CHKA: variants seen among roughly 807,000 people sequenced by gnomAD.
CHKA encodes CHETK-alpha.
CHKA carries 34 observed loss-of-function variants against 60.1 expected under a neutral mutation model. The ratio of observed to expected loss-of-function variants is 0.57; its 90% CI spans 0.43 to 0.75. The LOEUF (loss-of-function observed/expected upper bound fraction) is 0.75, where lower values mean the gene tolerates loss of function less well. CHKA is among the 30% of genes least tolerant of loss of function. The pLI is 0.00. For synonymous variants in CHKA, 217 were observed against 223.1 expected (o/e 0.97, Z 0.24); for missense variants, 563 against 561.3 (o/e 1.00, Z -0.03).
rs1257205919 is a variant in CHKA, at chr11:68,120,951, T to TGCGGCGGCGGGGGCTGGGGCA, written c.206_226dup (p.Leu69_Pro75dup). 30 of 1,172,286 alleles carry TGCGGCGGCGGGGGCTGGGGCA rather than the reference T, an allele frequency of 2.6e-5. No homozygotes were observed. Among genetic ancestry groups the TGCGGCGGCGGGGGCTGGGGCA allele is most frequent in the South Asian group, 6.8e-5 (2 of 29,212 alleles). The allele number at this position is 1,172,286 out of a possible 1,614,324, so 72.6% of individuals were successfully genotyped here. ...CTCCGGCTGCTCGTCTGCGGGCGGCTGCGGCGGCGGGGGCTGGGGCAGCGG... is the reference window on the plus strand; with the variant it reads ...CTCCGGCTGCTCGTCTGCGGGCGGCTGCGGCGGCGGGGGCTGGGGCAGCGGCGGCGGGGGCTGGGGCAGCGG... On this transcript the variant is annotated inframe_insertion, in exon 1 of 12. Transcript: ENST00000265689.
rs182666786 is a variant in CHKA, at chr11:68,111,177, C to T, written c.350+9651G>A. On this transcript the variant is annotated intron_variant, in intron 1 of 11. Transcript: ENST00000265689. Reference sequence around the variant, plus strand: ...CTCTAATCCCAGCACTTTGGGAGGCCGAGCTGGGCAGATTACCTGAGGTCA... The same window carrying T: ...CTCTAATCCCAGCACTTTGGGAGGCTGAGCTGGGCAGATTACCTGAGGTCA... 3.4e-3 allele frequency among the ~76,000 whole-genome samples: 509 copies of T among 151,522 alleles called. 4 individuals carry two copies. The highest frequency in any genetic ancestry group is 0.012 in the African/African-American group (491 of 41,298).
At chr11:68,103,861 C>G (rs1206283157) in intron 1 of CHKA, among the ~76,000 whole-genome samples, 1 of 149,744 alleles carries the variant, frequency 6.7e-6, no homozygotes, top group South Asian at 2.1e-4. Flanking sequence ...TGCAGTGAGC[C>G]GAGATCACAC....
At chr11:68,119,421 C>T (rs553177051) in intron 1 of CHKA, among the ~76,000 whole-genome samples, 1 of 152,176 alleles carries the variant, frequency 6.6e-6, no homozygotes, top group African/African-American at 2.4e-5. Context: ...AGATACTGCA[C>T]ACAACCTGTC....
At chr11:68,097,775 G>A (rs1358487781) in intron 1 of CHKA, among the ~76,000 whole-genome samples, 2 of 152,048 alleles carry the variant, frequency 1.3e-5, no homozygotes, top group African/African-American at 4.8e-5. Flanking sequence ...CTAGGAGCTT[G>A]TTCAAAAAAC....
intron 1 of CHKA, among the ~76,000 whole-genome samples, chr11:68,101,009 G>A (rs981793942): frequency 5.2e-5 from 7 of 133,444 alleles, no homozygotes; most frequent in African/African-American, 1.2e-4. Context: ...GTGCAACAGC[G>A]CGATCTCGGC....
rs1170085830 is a variant in CHKA, at chr11:68,105,514, C to CAA, written c.351-8386_351-8385dup. On this transcript the variant is annotated intron_variant, in intron 1 of 11. Coordinates refer to ENST00000265689, the MANE Select transcript of CHKA (RefSeq NM_001277.3). ...TGGGCAGCAGAGTGAGACTCCATCT[C>CAA]AAAAAAAAAAAAAAAAAAAAAAAAA... 4.7e-3 allele frequency among the ~76,000 whole-genome samples: 303 copies of CAA among 64,934 alleles called. 6 individuals carry two copies. The highest frequency in any genetic ancestry group is 0.014 in the African/African-American group (230 of 16,852). The allele number at this position is 64,934 out of a possible 152,430, so 42.6% of individuals were successfully genotyped here.
At chr11:68,083,969 C>T (rs2512613) in intron 2 of CHKA, among the ~76,000 whole-genome samples, 23 of 151,388 alleles carry the variant, frequency 1.5e-4, no homozygotes, top group Non-Finnish European at 2.9e-4. Flanking sequence ...TTGGGGCCGG[C>T]GGGGGTGGCC....
chr11:68,114,061 T>C (rs758782929), intron 1 of CHKA, among the ~76,000 whole-genome samples: 2 of 151,850 alleles, frequency 1.3e-5, no homozygotes, highest in Non-Finnish European at 2.9e-5. Context: ...AACACCAGAA[T>C]GCTGACACCA....
Position 68,086,268 on chromosome 11 carries a change from C to A in CHKA, c.463-4811G>T, listed in dbSNP as rs532115784. On this transcript the variant is annotated intron_variant, in intron 2 of 11. Transcript: ENST00000265689. ...GGCCGAGGTTGCAGTGAGCCAAGAT[C>A]GCGCCACTGCACCCCAGCCTGGCGA... Among the ~76,000 whole-genome samples, 8 of 152,106 alleles carry A rather than the reference C, an allele frequency of 5.3e-5. No homozygotes were observed. In the East Asian group the frequency reaches 1.4e-3, roughly 26 times the overall value.
chr11:68,077,504 A>G (rs1480382933), intron 3 of CHKA, among the ~76,000 whole-genome samples: 1 of 152,176 alleles, frequency 6.6e-6, no homozygotes, highest in East Asian at 1.9e-4. Context: ...ACTTTTTCAG[A>G]TATCTCAACT....
Position 68,120,919 on chromosome 11 carries a change from T to C in CHKA, c.259A>G (p.Thr87Ala). Residue 87 changes from threonine to alanine, a missense_variant, in exon 1 of 12, where the codon ACG (threonine) becomes GCG (alanine). Physicochemically the swap from Thr to Ala is moderately conservative, Grantham distance 58 (BLOSUM62 0). Coordinates refer to ENST00000265689, the MANE Select transcript of CHKA (RefSeq NM_001277.3). ...CACCACAGATAGGCCCTGCGCCGCG[T>C]CCGGGGCTCCGGCTGCTCGTCTGCG... ...PPADEQPEPR[T>A]RRRAYLWCKE... 4.9e-6 allele frequency: 6 copies of C among 1,215,060 alleles called. No individual in the cohort carries two copies. Among genetic ancestry groups the C allele is most frequent in the Non-Finnish European group, 6.2e-6 (6 of 968,308 alleles). The allele number at this position is 1,215,060 out of a possible 1,614,324, so 75.3% of individuals were successfully genotyped here.
Position 68,053,712 on chromosome 11 carries a change from A to G in CHKA, c.*276T>C. 2.9e-6 allele frequency: 1 copy of G among 348,710 alleles called. No individual in the cohort carries two copies. The highest frequency in any genetic ancestry group is 5.2e-6 in the Non-Finnish European group (1 of 191,328). The allele number at this position is 348,710 out of a possible 1,614,324, so 21.6% of individuals were successfully genotyped here. A position where few individuals can be genotyped will look rare whatever the true frequency, so the allele number is the denominator to read the frequency against. On this transcript the variant is annotated 3_prime_UTR_variant, in exon 12 of 12. Transcript: ENST00000265689. ...GGAAACCTTAGCCCCCAAATATGAAATGCCTTCTCTAGATTAAAAGGATTC... is the reference window on the plus strand; with the variant it reads ...GGAAACCTTAGCCCCCAAATATGAAGTGCCTTCTCTAGATTAAAAGGATTC...
chr11:68,114,472 C>G (rs942797816), intron 1 of CHKA, among the ~76,000 whole-genome samples: 1 of 152,046 alleles, frequency 6.6e-6, no homozygotes, highest in Non-Finnish European at 1.5e-5. Flanking sequence ...CCAAGGCAGG[C>G]AGATGACAAG....
rs1471481053 is a variant in CHKA at position 68,068,906 on chromosome 11, C to T, written c.901G>A (p.Val301Ile). The change falls in exon 7 of 12, where the codon GTA (valine) becomes ATA (isoleucine). Residue 301 changes from valine (V) to isoleucine (I), a missense_variant. Physicochemically the swap from Val to Ile is conservative, Grantham distance 29 (BLOSUM62 3). Transcript: ENST00000265689. ...SLLESTPSPV[V>I]FCHNDCQEGN... ...TCTTGACAGTCATTATGACAAAATA[C>T]AACTGGAGATGGAGTAGATTCAAGC... 6.2e-7 allele frequency: 1 copy of T among 1,612,744 alleles called. No individual in the cohort carries two copies. Among genetic ancestry groups the T allele is most frequent in the Non-Finnish European group, 8.5e-7 (1 of 1,179,144 alleles).
intron 11 of CHKA, among the ~76,000 whole-genome samples, chr11:68,059,651 G>C (rs895377977): frequency 6.6e-6 from 1 of 151,832 alleles, no homozygotes; most frequent in Non-Finnish European, 1.5e-5. Context: ...TTTGACCCAG[G>C]GTTTATTTAG....
At chr11:68,109,900 C>T (rs148148314) in intron 1 of CHKA, among the ~76,000 whole-genome samples, 246 of 152,106 alleles carry the variant, frequency 1.6e-3, no homozygotes, top group African/African-American at 5.6e-3. Context: ...TGCAGTGAGC[C>T]GAGGTCACGC....
intron 2 of CHKA, among the ~76,000 whole-genome samples, chr11:68,094,977 T>C (rs1857451826): frequency 6.6e-6 from 1 of 152,170 alleles, no homozygotes; most frequent in East Asian, 1.9e-4. Context: ...TCTAAACATA[T>C]AATCAAATAT....
chr11:68,093,819 C>T (rs962171448), intron 2 of CHKA, among the ~76,000 whole-genome samples: 1 of 152,150 alleles, frequency 6.6e-6, no homozygotes, highest in South Asian at 2.1e-4. Flanking sequence ...ACAGTGGCCA[C>T]GAGCTACATG....
chr11:68,061,178 C>T (rs1476766778), intron 11 of CHKA, among the ~76,000 whole-genome samples: 3 of 135,350 alleles, frequency 2.2e-5, no homozygotes, highest in Admixed American at 1.7e-4. Context: ...ATGATTTCAG[C>T]TCACTGCAAC....
Sources: allele counts gnomAD v4.1 joint callset (sites outside exome capture counted in the v4.1 genomes callset), GRCh38; gene constraint gnomAD v4.1.1; transcripts MANE v1.5; gene names NCBI Gene and HGNC (gene_info 2026-07-23, HGNC 2026-07-21).